The following RAPGEF6 variants were observed in gnomAD, a reference collection of about 807,000 sequenced individuals.
The protein encoded by RAPGEF6 is PDZ domain containing guanine nucleotide exchange factor (GEF) 2.
A neutral mutation model predicts 171.4 loss-of-function variants in RAPGEF6; 56 were observed. The observed-to-expected ratio is 0.33, with a 90% CI of 0.26 to 0.41. The LOEUF (loss-of-function observed/expected upper bound fraction) is 0.41. Ranked by LOEUF, RAPGEF6 falls within the 10% of genes least tolerant of loss-of-function variation. The probability of loss-of-function intolerance (pLI) is 1.00; values close to 1 mark genes in which losing one functional copy is unlikely to be tolerated. For synonymous variants in RAPGEF6, 692 were observed against 650.1 expected (o/e 1.06, Z -0.98); for missense variants, 1,674 against 1,921.4 (o/e 0.87, Z 2.41).
intron 1 of RAPGEF6, among the ~76,000 whole-genome samples, chr5:131,625,441 A>G (rs1478429915): frequency 6.6e-6 from 1 of 152,108 alleles, no homozygotes; most frequent in African/African-American, 2.4e-5. Context: ...ATACCTCACT[A>G]TCCCACTTAA....
At chr5:131,571,604 G>T (rs747115501) in intron 4 of RAPGEF6, among the ~76,000 whole-genome samples, 4 of 152,134 alleles carry the variant, frequency 2.6e-5, no homozygotes, top group Non-Finnish European at 5.9e-5. Context: ...CTCATTCATG[G>T]TTTAAAAGAA....
intron 3 of RAPGEF6, among the ~76,000 whole-genome samples, chr5:131,595,215 T>C (rs1394702563): frequency 6.6e-6 from 1 of 152,160 alleles, no homozygotes; most frequent in Middle Eastern, 3.2e-3. Flanking sequence ...CCCATGCTGT[T>C]CTCATGACAG....
intron 24 of RAPGEF6, chr5:131,436,518 T>A: frequency 2.5e-6 from 2 of 802,712 alleles, no homozygotes. Context: ...TTTTAATGCA[T>A]GGAAAAAAAT....
In RAPGEF6 at chr5:131,464,147, T is replaced by C. The variant is rs778750544; in HGVS notation, c.2374A>G (p.Thr792Ala). 2 of 1,614,080 alleles carry C rather than the reference T, an allele frequency of 1.2e-6. No homozygotes were observed. The highest frequency in any genetic ancestry group is 1.7e-5 in the Admixed American group (1 of 60,030). The change falls in exon 18 of 28, where the codon ACA becomes GCA. Residue 792 changes from threonine to alanine, a missense_variant. Transcript: ENST00000509018. ...HEFGLTGASD[T>A]YSLCEVSVTP... ...ACAGAAACTTCACAGAGAGAATATG[T>C]GTCGGATGCACCGGTCAAACCAAAT...
intron 7 of RAPGEF6, among the ~76,000 whole-genome samples, chr5:131,514,587 A>C (rs1757955133): frequency 6.6e-6 from 1 of 152,156 alleles, no homozygotes. Flanking sequence ...ATTTACTACA[A>C]ATAAGTTCAA....
At chr5:131,569,081 A>G (rs1158867324) in intron 4 of RAPGEF6, among the ~76,000 whole-genome samples, 1 of 152,232 alleles carries the variant, frequency 6.6e-6, no homozygotes, top group Non-Finnish European at 1.5e-5. Flanking sequence ...GAAATAAAAG[A>G]TAAATATATG....
Position 131,426,657 on chromosome 5 carries a change from T to A in RAPGEF6, c.*609A>T, listed in dbSNP as rs536170209. On this transcript the variant is annotated 3_prime_UTR_variant, in exon 28 of 28. Transcript: ENST00000509018. ...TATTTCTCTCAAACTGAGACCTACA[T>A]TGCATTGGTGCTACAGATCAAGTCA... 1 of 152,460 alleles carries A rather than the reference T, an allele frequency of 6.6e-6. No individual in the cohort carries two copies. The highest frequency in any genetic ancestry group is 2.4e-5 in the African/African-American group (1 of 41,394). The allele number at this position is 152,460 out of a possible 1,614,324, so 9.4% of individuals were successfully genotyped here. A position where few individuals can be genotyped will look rare whatever the true frequency, so the allele number is the denominator to read the frequency against.
Position 131,429,172 on chromosome 5 carries a change from G to T in RAPGEF6, c.4510C>A (p.Pro1504Thr). 6.2e-7 allele frequency: 1 copy of T among 1,613,270 alleles called. No individual in the cohort carries two copies. Among genetic ancestry groups the T allele is most frequent in the South Asian group, 1.1e-5 (1 of 91,060 alleles). ...AAATATCCTGGAGGAGTGGGAGGTGGCTCCCTATACCTATCGTCCTTCTTG... is the reference window on the plus strand; with the variant it reads ...AAATATCCTGGAGGAGTGGGAGGTGTCTCCCTATACCTATCGTCCTTCTTG... ...SPKKDDRYRE[P>T]PPTPPGYLGI... Residue 1504 changes from proline to threonine, a missense_variant, in exon 27 of 28, where the codon CCA becomes ACA. This residue lies in a region of RAPGEF6 where 552 missense variants were observed against 574.2 expected (regional missense o/e 0.96). Coordinates refer to ENST00000509018, the MANE Select transcript of RAPGEF6 (RefSeq NM_016340.6).
chr5:131,464,047 T>C lies in RAPGEF6; in HGVS notation c.2474A>G (p.Asn825Ser), dbSNP rs149719906. The change falls in exon 18 of 28, where the codon AAT becomes AGT. Residue 825 changes from asparagine (N) to serine (S), a missense_variant. Around this residue, in one of 3 missense-constraint regions of RAPGEF6, gnomAD observed 1,116 missense variants for 1,321.5 expected, o/e 0.84. Transcript: ENST00000509018. ...CACTAATAAGCTTATTCACCTTCCA[T>C]TGAGTTGAATTCTATCAGCTAATTT... Reference protein sequence around the residue: ...FSKLADRIQLNGRYYLKNNME... With the variant: ...FSKLADRIQLSGRYYLKNNME... 7.9e-5 allele frequency: 126 copies of C among 1,590,696 alleles called. No homozygotes were observed. In the East Asian group the frequency reaches 1.2e-3, roughly 15 times the overall value.
rs150238638 is a variant in RAPGEF6, at chr5:131,435,748, C to G, written c.3746-2090G>C. 359 of 1,059,156 alleles carry G rather than the reference C, an allele frequency of 3.4e-4. 3 individuals carry two copies. In the African/African-American group the frequency reaches 5.5e-3, roughly 16 times the overall value. The allele number at this position is 1,059,156 out of a possible 1,614,324, so 65.6% of individuals were successfully genotyped here. A position where few individuals can be genotyped will look rare whatever the true frequency, so the allele number is the denominator to read the frequency against. The stretch of plus-strand genomic sequence containing the variant: ...TCCAGCTAACAGTAGGAAATAAAGT[C>G]AACTACAGAAAACAAGAGTATAAAA... On this transcript the variant is annotated intron_variant, in intron 24 of 27. Transcript: ENST00000509018.
intron 4 of RAPGEF6, among the ~76,000 whole-genome samples, chr5:131,569,933 T>C (rs1053241135): frequency 1.3e-5 from 2 of 149,570 alleles, no homozygotes; most frequent in African/African-American, 2.5e-5. Flanking sequence ...TCCCAGCTAC[T>C]TGGGAGGCTG....
intron 4 of RAPGEF6, 63 bp from the exon 5 acceptor site, chr5:131,562,110 A>G (rs1761640133): frequency 3.6e-6 from 4 of 1,121,984 alleles, no homozygotes; most frequent in Non-Finnish European, 2.6e-6. Flanking sequence ...CAATATAGGA[A>G]AAGAAAACAA....
intron 2 of RAPGEF6, 88 bp downstream of exon 2, chr5:131,604,535 G>C (rs1764434138): frequency 7.1e-7 from 1 of 1,410,900 alleles, no homozygotes; most frequent in Admixed American, 2.2e-5. Flanking sequence ...AAAACAATAA[G>C]GAATATAAAG....
At chr5:131,486,341 T>C (rs1019650032) in intron 15 of RAPGEF6, among the ~76,000 whole-genome samples, 13 of 152,234 alleles carry the variant, frequency 8.5e-5, no homozygotes, top group African/African-American at 2.9e-4. Flanking sequence ...TGGATTGTTA[T>C]GTTTGTTTAT....
In RAPGEF6 at chr5:131,525,824, A is replaced by G. The variant is rs778178810; in HGVS notation, c.496-4303T>C. On this transcript the variant is annotated intron_variant, in intron 6 of 27. Coordinates refer to ENST00000509018, the MANE Select transcript of RAPGEF6 (RefSeq NM_016340.6). ...ACCAAGGAGAAGAATGTCATTCATA[A>G]AAGTAACACAATGAACCAAAGCCAG... Among the ~76,000 whole-genome samples, 143 of 152,274 alleles carry G rather than the reference A, an allele frequency of 9.4e-4. 1 individual carries two copies. The Middle Eastern group carries it at 0.01, about 11-fold the overall frequency.
chr5:131,548,321 T>G, intron 5 of RAPGEF6, 131 bp from the exon 6 acceptor site: 1 of 805,062 alleles, frequency 1.2e-6, no homozygotes, highest in Non-Finnish European at 1.9e-6. Flanking sequence ...GAAAACAGTC[T>G]GTATAGCACA....
Position 131,635,098 on chromosome 5 carries a change from G to A in RAPGEF6, c.-68C>T, listed in dbSNP as rs1766557695. The stretch of plus-strand genomic sequence containing the variant: ...CGCCACAGTTCATTCACACTAGGTA[G>A]CGGGTGCGGTACCTTTCCCCCGCCC... On this transcript the variant is annotated 5_prime_UTR_variant, in exon 1 of 28. Transcript: ENST00000509018. 2 of 1,455,982 alleles carry A rather than the reference G, an allele frequency of 1.4e-6. No homozygotes were observed. The highest frequency in any genetic ancestry group is 1.9e-6 in the Non-Finnish European group (2 of 1,080,026). The allele number at this position is 1,455,982 out of a possible 1,614,324, so 90.2% of individuals were successfully genotyped here. A position where few individuals can be genotyped will look rare whatever the true frequency, so the allele number is the denominator to read the frequency against.
intron 22 of RAPGEF6, among the ~76,000 whole-genome samples, chr5:131,445,125 AC>A (rs1477791739): frequency 6.6e-6 from 1 of 152,200 alleles, no homozygotes; most frequent in Non-Finnish European, 1.5e-5. Flanking sequence ...AGAAAACCTT[AC>A]TCAAATGTAA....
At chr5:131,475,765 T>C (rs1755051033) in intron 16 of RAPGEF6, among the ~76,000 whole-genome samples, 1 of 152,244 alleles carries the variant, frequency 6.6e-6, no homozygotes, top group Non-Finnish European at 1.5e-5. Context: ...TCTTTTAAAA[T>C]TATATCATGG....
Sources: allele counts gnomAD v4.1 joint callset (sites outside exome capture counted in the v4.1 genomes callset), GRCh38; gene constraint gnomAD v4.1.1; regional missense constraint gnomAD v4.1.1; transcripts MANE v1.5; gene names NCBI Gene and HGNC (gene_info 2026-07-23, HGNC 2026-07-21).